The following KIF13B variants were observed in gnomAD, a reference collection of about 807,000 sequenced individuals.
The protein encoded by KIF13B is kinesin family member 13B, also known as kinesin-like protein KIF13B.
KIF13B carries 127 observed loss-of-function variants against 222.0 expected under a neutral mutation model. The observed-to-expected ratio is 0.57, with a 90% CI of 0.50 to 0.66. The LOEUF (loss-of-function observed/expected upper bound fraction) is 0.66, where lower values mean the gene tolerates loss of function less well. KIF13B is among the 30% of genes least tolerant of loss of function. KIF13B has a pLI of 0.00. For synonymous variants in KIF13B, 976 were observed against 919.0 expected (o/e 1.06, Z -1.12); for missense variants, 2,173 against 2,379.0 (o/e 0.91, Z 1.80).
chr8:29,182,514 C>T (rs1453549529), intron 6 of KIF13B, among the ~76,000 whole-genome samples: 5 of 150,598 alleles, frequency 3.3e-5, no homozygotes, highest in African/African-American at 2.4e-5. Flanking sequence ...CCTAAGGGGG[C>T]GGAGGAGGGA....
chr8:29,180,737 T>C (rs932601003), intron 7 of KIF13B, among the ~76,000 whole-genome samples: 1 of 152,158 alleles, frequency 6.6e-6, no homozygotes, highest in African/African-American at 2.4e-5. Context: ...ATTTTCTGCA[T>C]TGATTTACCA....
At chr8:29,232,554 C>G (rs1815333265) in intron 2 of KIF13B, among the ~76,000 whole-genome samples, 1 of 151,890 alleles carries the variant, frequency 6.6e-6, no homozygotes, top group African/African-American at 2.4e-5. Context: ...GTCTTGCCAT[C>G]CTTTTCTCCC....
At chr8:29,226,278 T>G (rs1251969932) in intron 2 of KIF13B, among the ~76,000 whole-genome samples, 2 of 152,158 alleles carry the variant, frequency 1.3e-5, no homozygotes, top group African/African-American at 4.8e-5. Context: ...TGAAAGTAAC[T>G]AGGGTCTGTA....
At chr8:29,200,512 A>T (rs1333492906) in intron 2 of KIF13B, among the ~76,000 whole-genome samples, 6 of 152,244 alleles carry the variant, frequency 3.9e-5, no homozygotes, top group Non-Finnish European at 7.3e-5. Flanking sequence ...CTCCAAAAAT[A>T]GTACAAAAAA....
chr8:29,151,182 CA>C (rs1195207043), intron 14 of KIF13B, among the ~76,000 whole-genome samples: 1 of 152,200 alleles, frequency 6.6e-6, no homozygotes, highest in African/African-American at 2.4e-5. Flanking sequence ...TTCCCTCAAC[CA>C]AACCCTAACC....
intron 36 of KIF13B, among the ~76,000 whole-genome samples, chr8:29,096,562 G>A (rs1481164892): frequency 6.6e-6 from 1 of 152,022 alleles, no homozygotes; most frequent in African/African-American, 2.4e-5. Flanking sequence ...AGGGCTACAG[G>A]TGGGAGCTAC....
rs933279686 is a variant in KIF13B at position 29,177,506 on chromosome 8, C to T, written c.793G>A (p.Ala265Thr). The change falls in exon 9 of 40, where the codon GCT becomes ACT. Residue 265 changes from alanine (A) to threonine (T), a missense_variant. By Grantham distance (58) the Ala-to-Thr change is moderately conservative (BLOSUM62 0). Coordinates refer to ENST00000524189, the MANE Select transcript of KIF13B (RefSeq NM_015254.4). The stretch of plus-strand genomic sequence containing the variant: ...CCTTCCTTCAGCCTGTCCCCTGCAG[C>T]GCCTGTCTTCGTTGCTCGTTCACTG... ...AGSERATKTGAAGDRLKEGSN... is the reference protein window; with the variant it reads ...AGSERATKTGTAGDRLKEGSN... The T allele has an allele frequency of 1.4e-5, 23 of 1,613,618 alleles. No individual in the cohort carries two copies. Among genetic ancestry groups the T allele is most frequent in the Middle Eastern group, 1.6e-4 (1 of 6,082 alleles).
At chr8:29,235,680 T>C (rs1815476322) in intron 2 of KIF13B, among the ~76,000 whole-genome samples, 1 of 152,044 alleles carries the variant, frequency 6.6e-6, no homozygotes, top group South Asian at 2.1e-4. Flanking sequence ...TAGAAAACAA[T>C]GTGGGATAAA....
intron 2 of KIF13B, among the ~76,000 whole-genome samples, chr8:29,220,453 C>A (rs1192850063): frequency 6.6e-6 from 1 of 152,080 alleles, no homozygotes; most frequent in Non-Finnish European, 1.5e-5. Flanking sequence ...AACTGTTGTT[C>A]TGTTAACTGA....
chr8:29,158,213 T>C (rs1327761527), intron 13 of KIF13B, among the ~76,000 whole-genome samples: 1 of 152,176 alleles, frequency 6.6e-6, no homozygotes, highest in Non-Finnish European at 1.5e-5. Context: ...CTATTTTAAC[T>C]CCTTCCATGA....
At position 29,140,501 on chromosome 8, in the gene KIF13B, T is replaced by C. The variant is rs758870065; in HGVS notation, c.2451A>G (p.Gln817=). ...TCTGGTTGATGATGGGAACAGCGTA[T>C]TGTAACTTCACATCATAGAAAAGTG... is the stretch of plus-strand genomic sequence containing the variant. The part of the protein sequence containing the change: ...LESLFYDVKL[Q]YAVPIINQKG... The change falls in exon 20 of 40, where the codon CAA becomes CAG. Residue 817 remains glutamine, a synonymous_variant. Coordinates refer to ENST00000524189, the MANE Select transcript of KIF13B (RefSeq NM_015254.4). The C allele has an allele frequency of 1.2e-6, 2 of 1,613,834 alleles. No homozygotes were observed. Among genetic ancestry groups the C allele is most frequent in the Non-Finnish European group, 1.7e-6 (2 of 1,179,866 alleles).
chr8:29,192,744 AT>A (rs1202095187), intron 3 of KIF13B, among the ~76,000 whole-genome samples: 2 of 152,322 alleles, frequency 1.3e-5, no homozygotes, highest in South Asian at 4.1e-4. Flanking sequence ...GCATACTGAT[AT>A]CCATCACCCA....
intron 12 of KIF13B, among the ~76,000 whole-genome samples, chr8:29,161,187 G>A (rs962453034): frequency 3.3e-5 from 5 of 152,246 alleles, no homozygotes; most frequent in African/African-American, 1.2e-4. Context: ...GCAAAAGTGT[G>A]TGCACTTTCC....
intron 37 of KIF13B, among the ~76,000 whole-genome samples, chr8:29,084,211 C>G (rs1246467687): frequency 6.6e-6 from 1 of 152,136 alleles, no homozygotes; most frequent in African/African-American, 2.4e-5. Flanking sequence ...CCACCGCACC[C>G]GACCGTGTTT....
Position 29,070,910 on chromosome 8 carries a change from T to G in KIF13B, c.5219-144A>C. On this transcript the variant is annotated intron_variant, in intron 39 of 39. Transcript: ENST00000524189. This position sits in a 1 kb window ranked among gnomAD's most constrained non-coding sequence, Gnocchi z 4.1. Reference sequence around the variant, plus strand: ...ACAGCCAGCACTCGGACACTGGCCATTGTCTGGCAGGGACTGGCTAAATGA... The same window carrying G: ...ACAGCCAGCACTCGGACACTGGCCAGTGTCTGGCAGGGACTGGCTAAATGA... 1 of 926,688 alleles carries G rather than the reference T, an allele frequency of 1.1e-6. No individual in the cohort carries two copies. The highest frequency in any genetic ancestry group is 1.6e-6 in the Non-Finnish European group (1 of 615,710). The allele number at this position is 926,688 out of a possible 1,614,324, so 57.4% of individuals were successfully genotyped here.
intron 2 of KIF13B, among the ~76,000 whole-genome samples, chr8:29,203,544 T>C (rs1813791600): frequency 6.6e-6 from 1 of 152,144 alleles, no homozygotes; most frequent in South Asian, 2.1e-4. Context: ...AAGAAAACAA[T>C]GTTTCCATGT....
intron 3 of KIF13B, among the ~76,000 whole-genome samples, chr8:29,191,881 C>T (rs948128325): frequency 6.6e-6 from 1 of 152,084 alleles, no homozygotes; most frequent in African/African-American, 2.4e-5. Context: ...TTTTTATCTC[C>T]GTAAAGATTT....
chr8:29,171,163 T>C (rs557718014), intron 10 of KIF13B, among the ~76,000 whole-genome samples: 1 of 152,302 alleles, frequency 6.6e-6, no homozygotes, highest in East Asian at 1.9e-4. Context: ...ATCTGAGCAC[T>C]CACTACCAGA....
At chr8:29,241,708 A>G (rs1227510689) in intron 2 of KIF13B, among the ~76,000 whole-genome samples, 2 of 71,862 alleles carry the variant, frequency 2.8e-5, no homozygotes, top group African/African-American at 1.4e-4. Context: ...AAGGGAGGGA[A>G]AAAAAAAAAA....
Sources: gnomAD v4.1 joint callset for allele counts (sites outside exome capture counted in the v4.1 genomes callset) on GRCh38, gnomAD v4.1.1 for gene constraint, Gnocchi (gnomAD v3.1) non-coding constraint, MANE v1.5 for transcripts, NCBI Gene and HGNC (gene_info 2026-07-23, HGNC 2026-07-21) for gene names.